Variants in UACA observed in about 807,000 individuals in gnomAD.
UACA encodes the protein uveal autoantigen with coiled-coil domains and ankyrin repeats, also known as nuclear membrane binding protein.
A neutral mutation model predicts 160.5 loss-of-function variants in UACA; 112 were observed. The ratio of observed to expected loss-of-function variants is 0.70; its 90% confidence interval spans 0.60 to 0.82. The LOEUF is 0.82. UACA is among the 40% of genes least tolerant of loss of function. The pLI is 0.00. For missense variants in UACA, 1,574 were observed against 1,614.6 expected (o/e 0.97, Z 0.43); for synonymous variants, 557 against 568.4 (o/e 0.98, Z 0.29).
intron 3 of UACA, 120 bp from the exon 4 acceptor site, chr15:70,691,483 A>G (rs1244239001): frequency 4.6e-6 from 3 of 645,254 alleles, no homozygotes; most frequent in African/African-American, 3.7e-5. Context: ...ATCTGTAAGT[A>G]TACTTTCAGT....
chr15:70,679,481 T>C (rs1897413610), intron 10 of UACA, 127 bp downstream of exon 10: 3 of 490,514 alleles, frequency 6.1e-6, no homozygotes, highest in Non-Finnish European at 1.1e-5. Context: ...CAAACAATTT[T>C]AACGAGCTTC....
Position 70,699,812 on chromosome 15 carries a change from A to C in UACA, c.79-152T>G, listed in dbSNP as rs909859468. 11 of 775,692 alleles carry C rather than the reference A, an allele frequency of 1.4e-5. No individual in the cohort carries two copies. The African/African-American group carries it at 1.9e-4, about 14-fold the overall frequency. 48.1% of individuals were successfully genotyped at this position (775,692 alleles called of 1,614,324 possible). A position where few individuals can be genotyped will look rare whatever the true frequency, so the allele number is the denominator to read the frequency against. On this transcript the variant is annotated intron_variant, in intron 1 of 18. Coordinates refer to ENST00000322954, the MANE Select transcript of UACA (RefSeq NM_018003.4). ...AAATTTCCTTCTCCCTTCTGTGCTAACTTCATTAGGAGAGCAGAGTTATAA... is the reference window on the plus strand; with the variant it reads ...AAATTTCCTTCTCCCTTCTGTGCTACCTTCATTAGGAGAGCAGAGTTATAA...
chr15:70,773,992 G>C, the UACA span, among the ~76,000 whole-genome samples: 1 of 152,102 alleles, frequency 6.6e-6, no homozygotes, highest in East Asian at 1.9e-4. Flanking sequence ...GCTATAGAAG[G>C]ATTGGCCAAA....
rs773466932 is a variant in UACA, at chr15:70,657,075, C to T, written c.4232G>A (p.Arg1411Gln). 65 of 1,614,106 alleles carry T rather than the reference C, an allele frequency of 4.0e-5. No homozygotes were observed. Among genetic ancestry groups the T allele is most frequent in the Non-Finnish European group, 5.3e-5 (63 of 1,179,978 alleles). The change falls in exon 19 of 19, where the codon CGG becomes CAG. Residue 1411 changes from arginine (R) to glutamine (Q), a missense_variant. Coordinates refer to ENST00000322954, the MANE Select transcript of UACA (RefSeq NM_018003.4). The part of the protein sequence containing the change: ...QEALLQIIQM[R>Q]QGLVC Reference sequence around the variant, plus strand: ...TAACGGCTAGCACACAAGCCCCTGCCGCATTTGTATGATCTGGAGCAGAGC... The same window carrying T: ...TAACGGCTAGCACACAAGCCCCTGCTGCATTTGTATGATCTGGAGCAGAGC...
chr15:70,712,921 T>C (rs914505147), intron 1 of UACA, among the ~76,000 whole-genome samples: 2 of 152,216 alleles, frequency 1.3e-5, no homozygotes, highest in African/African-American at 4.8e-5. Flanking sequence ...TATTTGCATA[T>C]GCAAACTTTT....
At chr15:70,673,652 T>C (rs919224409) in intron 13 of UACA, among the ~76,000 whole-genome samples, 5 of 152,270 alleles carry the variant, frequency 3.3e-5, no homozygotes, top group Admixed American at 2.6e-4. Flanking sequence ...AAAACAAATA[T>C]AAAAGTTGTA....
intron 3 of UACA, among the ~76,000 whole-genome samples, chr15:70,693,001 T>C (rs1160984608): frequency 6.6e-6 from 1 of 152,194 alleles, no homozygotes; most frequent in Non-Finnish European, 1.5e-5. Flanking sequence ...AAACATCCTC[T>C]AATTACAAGT....
At chr15:70,729,276 G>C (rs1255450352) in intron 1 of UACA, among the ~76,000 whole-genome samples, 1 of 152,132 alleles carries the variant, frequency 6.6e-6, no homozygotes, top group Non-Finnish European at 1.5e-5. Flanking sequence ...CAAAAACATG[G>C]AAGCAACTTA....
At chr15:70,709,527 T>C (rs780675194) in intron 1 of UACA, among the ~76,000 whole-genome samples, 3 of 152,180 alleles carry the variant, frequency 2.0e-5, no homozygotes, top group Non-Finnish European at 2.9e-5. Context: ...AATGTATGTT[T>C]AGTGTAGAAA....
intron 1 of UACA, among the ~76,000 whole-genome samples, chr15:70,714,174 A>T (rs1329456499): frequency 6.6e-6 from 1 of 152,208 alleles, no homozygotes; most frequent in Non-Finnish European, 1.5e-5. Flanking sequence ...TTCCTTGAAG[A>T]TTAGGCTGCA....
chr15:70,658,295 C>T (rs539708262), intron 18 of UACA, among the ~76,000 whole-genome samples: 9 of 152,150 alleles, frequency 5.9e-5, no homozygotes, highest in Non-Finnish European at 1.3e-4. Context: ...ATTCCCCTAA[C>T]GATGGACATT....
At chr15:70,698,719 G>A (rs954435508) in intron 2 of UACA, among the ~76,000 whole-genome samples, 4 of 152,148 alleles carry the variant, frequency 2.6e-5, no homozygotes, top group African/African-American at 9.7e-5. Context: ...AGTAAAGACT[G>A]AGAAGAATTT....
chr15:70,700,237 C>T (rs1436331523), intron 1 of UACA, among the ~76,000 whole-genome samples: 4 of 110,774 alleles, frequency 3.6e-5, no homozygotes, highest in African/African-American at 1.3e-4. Context: ...TAAGAAACTA[C>T]CCCCCCCCAA....
intron 17 of UACA, 83 bp from the exon 18 acceptor site, chr15:70,660,299 A>G: frequency 8.7e-7 from 1 of 1,149,666 alleles, no homozygotes; most frequent in Non-Finnish European, 1.3e-6. Context: ...TTCATGCTAC[A>G]AAACTATTAT....
rs142735122 is a variant in UACA at position 70,687,566 on chromosome 15, A to G, written c.576T>C (p.Asp192=). ...ICQLLIDRGA[D]VNSRDKQNRT... ...TGTTTTGTTTGTCTCTGGAATTAAC[A>G]TCCGCTCCTCTATCTATCAGCAGTT... Residue 192 remains aspartate, a synonymous_variant, in exon 7 of 19, where the codon GAT becomes GAC. Coordinates refer to ENST00000322954, the MANE Select transcript of UACA (RefSeq NM_018003.4). 5.6e-6 allele frequency: 9 copies of G among 1,613,774 alleles called. No individual in the cohort carries two copies. The African/African-American group carries it at 8.0e-5, about 14-fold the overall frequency.
rs187001268 is a variant in UACA, at chr15:70,753,736, T to A, written c.78+9594A>T. The stretch of plus-strand genomic sequence containing the variant: ...CACAAGCAGTTTCTTTCTAAGTAAC[T>A]CACTAGCATTTACTGAGTACTTCTA... On this transcript the variant is annotated intron_variant, in intron 1 of 18. Coordinates refer to ENST00000322954, the MANE Select transcript of UACA (RefSeq NM_018003.4). 6.6e-5 allele frequency among the ~76,000 whole-genome samples: 10 copies of A among 152,362 alleles called. No individual in the cohort carries two copies. The East Asian group carries it at 1.7e-3, about 26-fold the overall frequency.
intron 18 of UACA, among the ~76,000 whole-genome samples, chr15:70,658,818 A>G (rs532816103): frequency 7.8e-4 from 119 of 152,328 alleles, no homozygotes; most frequent in African/African-American, 2.8e-3. Context: ...CAGGATGTTT[A>G]CATTTCAAAC....
Position 70,657,068 on chromosome 15 carries a change from C to A in UACA, c.4239G>T (p.Gly1413=). The A allele has an allele frequency of 6.2e-7, 1 of 1,614,034 alleles. No homozygotes were observed. The highest frequency in any genetic ancestry group is 8.5e-7 in the Non-Finnish European group (1 of 1,179,922). Residue 1413 remains glycine, a synonymous_variant, in exon 19 of 19, where the codon GGG becomes GGT. Coordinates refer to ENST00000322954, the MANE Select transcript of UACA (RefSeq NM_018003.4). The stretch of plus-strand genomic sequence containing the variant: ...TCAGTGCTAACGGCTAGCACACAAG[C>A]CCCTGCCGCATTTGTATGATCTGGA... ...ALLQIIQMRQ[G]LVC
At position 70,684,369 on chromosome 15, in the gene UACA, C is replaced by G. The variant is rs756692970; in HGVS notation, c.680G>C (p.Ser227Thr). 6 of 1,613,790 alleles carry G rather than the reference C, an allele frequency of 3.7e-6. No homozygotes were observed. Among genetic ancestry groups the G allele is most frequent in the Non-Finnish European group, 5.1e-6 (6 of 1,179,816 alleles). ...ATCATGGCCAAGCGCATCCAGCAAG[C>G]TTATATCAGCACCATTTTTAATTAA... Reference protein sequence around the residue: ...EVLIKNGADISLLDALGHDSS... With the variant: ...EVLIKNGADITLLDALGHDSS... The change falls in exon 8 of 19, where the codon AGC becomes ACC. Residue 227 changes from serine to threonine, a missense_variant. Transcript: ENST00000322954.
Sources: allele counts gnomAD v4.1 joint callset (sites outside exome capture counted in the v4.1 genomes callset), GRCh38; gene constraint gnomAD v4.1.1; transcripts MANE v1.5; gene names NCBI Gene and HGNC (gene_info 2026-07-23, HGNC 2026-07-21).